The following PLPP1 variants were observed in gnomAD, a reference collection of about 807,000 sequenced individuals.
PLPP1 encodes lipid phosphate phosphohydrolase 1a.
PLPP1 carries 24 observed loss-of-function variants against 31.2 expected under a neutral mutation model. The observed-to-expected ratio is 0.77, with a 90% confidence interval of 0.56 to 1.08. The LOEUF (loss-of-function observed/expected upper bound fraction) is 1.08. PLPP1 is among the 50% of genes least tolerant of loss of function. The probability of loss-of-function intolerance (pLI) is 0.00; values close to 1 mark genes in which losing one functional copy is unlikely to be tolerated. For synonymous variants in PLPP1, 146 were observed against 126.3 expected (o/e 1.16, Z -1.05); for missense variants, 319 against 342.7 (o/e 0.93, Z 0.55).
chr5:55,514,954 A>G (rs1483360560), intron 1 of PLPP1, among the ~76,000 whole-genome samples: 1 of 152,256 alleles, frequency 6.6e-6, no homozygotes, highest in Non-Finnish European at 1.5e-5. Flanking sequence ...CAGCTTATTG[A>G]GTGCCTACTA....
At chr5:55,527,722 T>C (rs1384271809) in intron 1 of PLPP1, among the ~76,000 whole-genome samples, 1 of 152,106 alleles carries the variant, frequency 6.6e-6, no homozygotes, top group Non-Finnish European at 1.5e-5. Flanking sequence ...GTTAGCAACG[T>C]CAGGAAGCCA....
chr5:55,446,630 G>A (rs1018582181), intron 3 of PLPP1, among the ~76,000 whole-genome samples: 4 of 152,288 alleles, frequency 2.6e-5, no homozygotes, highest in South Asian at 2.1e-4. Flanking sequence ...TTGAGCCTTG[G>A]TTTAAGGAGA....
intron 3 of PLPP1, among the ~76,000 whole-genome samples, chr5:55,465,054 T>C (rs1280712009): frequency 1.3e-5 from 2 of 151,578 alleles, no homozygotes; most frequent in African/African-American, 4.8e-5. Context: ...GTGGTTTTTT[T>C]TTTTTTTGAG....
At chr5:55,493,038 T>G (rs990223936) in intron 1 of PLPP1, among the ~76,000 whole-genome samples, 1 of 152,102 alleles carries the variant, frequency 6.6e-6, no homozygotes, top group Non-Finnish European at 1.5e-5. Context: ...GTAGGCTGAG[T>G]ACGGTGGGTC....
At chr5:55,460,038 T>G (rs1752116771) in intron 3 of PLPP1, among the ~76,000 whole-genome samples, 2 of 152,244 alleles carry the variant, frequency 1.3e-5, no homozygotes, top group Admixed American at 1.3e-4. Context: ...AAAATATGCA[T>G]TAATGGACTG....
chr5:55,462,889 C>T (rs1752196813), intron 3 of PLPP1, among the ~76,000 whole-genome samples: 2 of 151,740 alleles, frequency 1.3e-5, no homozygotes, highest in South Asian at 2.1e-4. Context: ...AGGAGAATGG[C>T]GTGAACCCGG....
intron 3 of PLPP1, among the ~76,000 whole-genome samples, chr5:55,466,722 A>G (rs1752304372): frequency 6.6e-6 from 1 of 151,998 alleles, no homozygotes; most frequent in Admixed American, 6.6e-5. Flanking sequence ...AAAAAAAGGA[A>G]AAGAAAAAAA....
At chr5:55,493,129 A>C (rs1187152960) in intron 1 of PLPP1, among the ~76,000 whole-genome samples, 1 of 152,160 alleles carries the variant, frequency 6.6e-6, no homozygotes, top group Non-Finnish European at 1.5e-5. Context: ...CCTGGGCAAC[A>C]TATTGAGACC....
chr5:55,448,501 G>A (rs1454617158), intron 3 of PLPP1, among the ~76,000 whole-genome samples: 1 of 147,136 alleles, frequency 6.8e-6, no homozygotes, highest in African/African-American at 2.5e-5. Flanking sequence ...AGGCTGGAGT[G>A]CCGTGGTGCA....
At chr5:55,487,485 T>C (rs1752798993) in intron 1 of PLPP1, among the ~76,000 whole-genome samples, 1 of 151,722 alleles carries the variant, frequency 6.6e-6, no homozygotes, top group African/African-American at 2.4e-5. Flanking sequence ...TATAGTTTTC[T>C]GAATATGGCA....
In PLPP1 at chr5:55,444,741, TTTTGTGTGTGTGTG is replaced by T. The variant is rs1439565820; in HGVS notation, c.492-2847_492-2834del. 4.3e-4 allele frequency among the ~76,000 whole-genome samples: 3 copies of T among 6,978 alleles called. No individual in the cohort carries two copies. The South Asian group carries it at 0.031, about 73-fold the overall frequency. 4.6% of individuals were successfully genotyped at this position (6,978 alleles called of 152,430 possible). Reference sequence around the variant, plus strand: ...ATAAATCACTATGAATGGGATTCTATTTTGTGTGTGTGTGTGTGTGTGTGTGTGTGATGGAGTCT... The same window carrying T: ...ATAAATCACTATGAATGGGATTCTATTGTGTGTGTGTGTGTGATGGAGTCT... On this transcript the variant is annotated intron_variant, in intron 3 of 5. Coordinates refer to ENST00000307259, the MANE Select transcript of PLPP1 (RefSeq NM_003711.4).
intron 1 of PLPP1, among the ~76,000 whole-genome samples, chr5:55,524,769 C>T (rs1276428660): frequency 6.6e-6 from 1 of 152,066 alleles, no homozygotes; most frequent in African/African-American, 2.4e-5. Context: ...AAGATCATGC[C>T]GTTGCATTCC....
At chr5:55,474,104 C>A (rs915142706) in intron 2 of PLPP1, among the ~76,000 whole-genome samples, 1 of 150,954 alleles carries the variant, frequency 6.6e-6, no homozygotes, top group Non-Finnish European at 1.5e-5. Flanking sequence ...TCAAGCGATT[C>A]TCCTGCCTCA....
At chr5:55,475,649 A>G (rs1296402686) in intron 1 of PLPP1, among the ~76,000 whole-genome samples, 199 bp from the exon 2 acceptor site, 17 of 152,246 alleles carry the variant, frequency 1.1e-4, no homozygotes. Context: ...TGTTTTGTCT[A>G]CAGCAAACAA....
At chr5:55,530,778 G>GAAAACGTGCTGACAGGGCA in intron 1 of PLPP1, 1 of 1,539,324 alleles carries the variant, frequency 6.5e-7, no homozygotes, top group African/African-American at 1.4e-5. Context: ...ATTTTCTACA[G>GAAAACGTGCTGACAGGGCA]AAAACGTGCT....
rs752647011 is a variant in PLPP1, at chr5:55,530,719, C to T, written c.58+3853G>A. ...GCTCTCTCTTCTAGTCACATTTCCA[C>T]GACACAGGGGACAATGTGCTCCGCT... On this transcript the variant is annotated intron_variant, in intron 1 of 5. Transcript: ENST00000307259. 3.8e-5 allele frequency: 60 copies of T among 1,572,910 alleles called. 1 individual carries two copies. The South Asian group carries it at 6.3e-4, about 17-fold the overall frequency.
intron 3 of PLPP1, among the ~76,000 whole-genome samples, chr5:55,447,186 C>T (rs987446214): frequency 1.3e-5 from 2 of 152,194 alleles, no homozygotes; most frequent in Admixed American, 1.3e-4. Context: ...GAAATAGAAG[C>T]AGGCTTTTTT....
At chr5:55,429,715 C>T (rs1751298940) in intron 4 of PLPP1, among the ~76,000 whole-genome samples, 1 of 152,084 alleles carries the variant, frequency 6.6e-6, no homozygotes, top group South Asian at 2.1e-4. Flanking sequence ...ATCTCTGAAG[C>T]CCCATTAAAG....
intron 1 of PLPP1, among the ~76,000 whole-genome samples, chr5:55,517,838 A>AT (rs556189109): frequency 4.1e-4 from 62 of 152,224 alleles, no homozygotes; most frequent in African/African-American, 1.4e-3. Flanking sequence ...GCTACCAGCA[A>AT]TATCTACTTT....
Sources: gnomAD v4.1 joint callset for allele counts (sites outside exome capture counted in the v4.1 genomes callset) on GRCh38, gnomAD v4.1.1 for gene constraint, MANE v1.5 for transcripts, NCBI Gene and HGNC (gene_info 2026-07-23, HGNC 2026-07-21) for gene names.